POFUT2: variants seen among roughly 807,000 people sequenced by gnomAD.
The protein encoded by POFUT2 is GDP-fucose protein O-fucosyltransferase 2.
Under a neutral mutation model 55.0 loss-of-function variants are expected in POFUT2, and 30 were observed. That is an observed-to-expected ratio of 0.55 (90% CI 0.41 to 0.74). The LOEUF (loss-of-function observed/expected upper bound fraction) is 0.74, where lower values mean the gene tolerates loss of function less well. Among genes scored for constraint, POFUT2 ranks in the 30% least tolerant of loss-of-function variants. The pLI, the probability that POFUT2 is intolerant of heterozygous loss-of-function variation, is 0.00. For missense variants in POFUT2, 524 were observed against 562.6 expected (o/e 0.93, Z 0.69); for synonymous variants, 267 against 231.1 (o/e 1.16, Z -1.41).
Position 45,267,507 on chromosome 21 carries a change from G to A in POFUT2, c.1136+83C>T, listed in dbSNP as rs1408056029. 1 of 1,614,154 alleles carries A rather than the reference G, an allele frequency of 6.2e-7. No homozygotes were observed. Among genetic ancestry groups the A allele is most frequent in the Non-Finnish European group, 8.5e-7 (1 of 1,180,034 alleles). On this transcript the variant is annotated intron_variant, in intron 8 of 8. Transcript: ENST00000349485. The surrounding 1 kb of genome is among the most constrained non-coding windows in gnomAD (Gnocchi z 4.4). The stretch of plus-strand genomic sequence containing the variant: ...CCACTGTGAACACAGGCGACCATCT[G>A]CTCTGACACCGAGTACTTGGGACAG...
At position 45,285,687 on chromosome 21, in the gene POFUT2, A is replaced by C; in HGVS notation, c.373T>G (p.Phe125Val). 6.2e-7 allele frequency: 1 copy of C among 1,613,774 alleles called. No homozygotes were observed. Among genetic ancestry groups the C allele is most frequent in the Non-Finnish European group, 8.5e-7 (1 of 1,180,020 alleles). Residue 125 changes from phenylalanine (F) to valine (V), a missense_variant, in exon 2 of 9, where the codon TTC (phenylalanine) becomes GTC (valine). This residue lies in a region of POFUT2 where 274 missense variants were observed against 244.4 expected (regional missense o/e 1.12). Coordinates refer to ENST00000349485, the MANE Select transcript of POFUT2 (RefSeq NM_133635.6). The surrounding 1 kb of genome is among the most constrained non-coding windows in gnomAD (Gnocchi z 4.9). Reference sequence around the variant, plus strand: ...TGCCGCTCGGCCTCACCTGCGATGAACTGCTCATACTCGATGACGGGGATG... The same window carrying C: ...TGCCGCTCGGCCTCACCTGCGATGACCTGCTCATACTCGATGACGGGGATG... ...KNIPVIEYEQ[F>V]IAESGGPFID...
rs1349567828 is a variant in POFUT2 at position 45,267,848 on chromosome 21, C to G, written c.1013-135G>C. On this transcript the variant is annotated intron_variant, in intron 7 of 8. Coordinates refer to ENST00000349485, the MANE Select transcript of POFUT2 (RefSeq NM_133635.6). The surrounding 1 kb of genome is among the most constrained non-coding windows in gnomAD (Gnocchi z 4.4). Reference sequence around the variant, plus strand: ...AACTGGCTCCAAAGGTGCAGACACACAACTCAGCTTTACCCTCCCAGGAAT... The same window carrying G: ...AACTGGCTCCAAAGGTGCAGACACAGAACTCAGCTTTACCCTCCCAGGAAT... 1 of 742,818 alleles carries G rather than the reference C, an allele frequency of 1.3e-6. No homozygotes were observed. The highest frequency in any genetic ancestry group is 2.3e-6 in the Non-Finnish European group (1 of 435,506). 46.0% of individuals were successfully genotyped at this position (742,818 alleles called of 1,614,324 possible).
intron 8 of POFUT2, chr21:45,266,735 C>G: frequency 4.0e-6 from 4 of 998,550 alleles, no homozygotes; most frequent in Non-Finnish European, 4.8e-6. Flanking sequence ...CAGGAAATAG[C>G]AGATGTGTGA....
chr21:45,271,388 A>T (rs1046563398), intron 6 of POFUT2, among the ~76,000 whole-genome samples: 3 of 152,228 alleles, frequency 2.0e-5, no homozygotes, highest in African/African-American at 7.2e-5. Flanking sequence ...AGCCTCCAAG[A>T]AATTTGGAAT....
In POFUT2 at chr21:45,285,164, A is replaced by G. The variant is rs1041080265; in HGVS notation, c.382+514T>C. On this transcript the variant is annotated intron_variant, in intron 2 of 8. Coordinates refer to ENST00000349485, the MANE Select transcript of POFUT2 (RefSeq NM_133635.6). The surrounding 1 kb of genome is among the most constrained non-coding windows in gnomAD (Gnocchi z 4.9). ...CACTTACCTTTATCTCTTCCAAACAACGCAACACAAAAAGCTCTAAATACC... is the reference window on the plus strand; with the variant it reads ...CACTTACCTTTATCTCTTCCAAACAGCGCAACACAAAAAGCTCTAAATACC... The G allele has an allele frequency of 1.7e-5, 3 of 172,968 alleles. No homozygotes were observed. Among genetic ancestry groups the G allele is most frequent in the African/African-American group, 7.2e-5 (3 of 41,880 alleles). 10.7% of individuals were successfully genotyped at this position (172,968 alleles called of 1,614,324 possible). A position where few individuals can be genotyped will look rare whatever the true frequency, so the allele number is the denominator to read the frequency against.
rs1309636317 is a variant in POFUT2, at chr21:45,272,580, C to T, written c.832-2561G>A. Among the ~76,000 whole-genome samples, 8 of 152,140 alleles carry T rather than the reference C, an allele frequency of 5.3e-5. No individual in the cohort carries two copies. The South Asian group carries it at 6.2e-4, about 12-fold the overall frequency. Reference sequence around the variant, plus strand: ...ACTAAAATATTTACAGAACATTCTACGCAACAGCTGCAGAATATACATTCT... The same window carrying T: ...ACTAAAATATTTACAGAACATTCTATGCAACAGCTGCAGAATATACATTCT... On this transcript the variant is annotated intron_variant, in intron 6 of 8. Transcript: ENST00000349485.
At position 45,281,042 on chromosome 21, in the gene POFUT2, C is replaced by T. The variant is rs547562609; in HGVS notation, c.638+1307G>A. On this transcript the variant is annotated intron_variant, in intron 4 of 8. Transcript: ENST00000349485. This position sits in a 1 kb window ranked among gnomAD's most constrained non-coding sequence, Gnocchi z 5.0. ...CACGGTGGTGAGGCTCCTCTCCTGACGGCTTGATAGCTTCACCTTCCCATT... is the reference window on the plus strand; with the variant it reads ...CACGGTGGTGAGGCTCCTCTCCTGATGGCTTGATAGCTTCACCTTCCCATT... 1.3e-4 allele frequency among the ~76,000 whole-genome samples: 20 copies of T among 152,222 alleles called. No homozygotes were observed. Among genetic ancestry groups the T allele is most frequent in the Non-Finnish European group, 2.4e-4 (16 of 68,046 alleles).
chr21:45,270,188 A>T lies in POFUT2; in HGVS notation c.832-169T>A. On this transcript the variant is annotated intron_variant, in intron 6 of 8. Transcript: ENST00000349485. This position sits in a 1 kb window ranked among gnomAD's most constrained non-coding sequence, Gnocchi z 4.6. ...TTCAGGTGGAATCTCGGGGGCGACCAGATGTCTTTCTAAGAAGACAGTGAA... is the reference window on the plus strand; with the variant it reads ...TTCAGGTGGAATCTCGGGGGCGACCTGATGTCTTTCTAAGAAGACAGTGAA... 4.7e-6 allele frequency: 2 copies of T among 424,348 alleles called. No homozygotes were observed. The highest frequency in any genetic ancestry group is 8.7e-5 in the Admixed American group (2 of 22,926). 26.3% of individuals were successfully genotyped at this position (424,348 alleles called of 1,614,324 possible). A position where few individuals can be genotyped will look rare whatever the true frequency, so the allele number is the denominator to read the frequency against.
Position 45,285,693 on chromosome 21 carries a change from C to A in POFUT2, c.367G>T (p.Glu123Ter). Residue 123 changes from glutamate (E) to a stop codon, truncating the protein, a stop_gained, in exon 2 of 9, where the codon GAG becomes TAG. Transcript: ENST00000349485. LOFTEE classifies it high-confidence loss of function. This position sits in a 1 kb window ranked among gnomAD's most constrained non-coding sequence, Gnocchi z 4.9. ...LNKNIPVIEY[E>*]QFIAESGGPF... ...TCGGCCTCACCTGCGATGAACTGCT[C>A]ATACTCGATGACGGGGATGTTTTTA... The A allele has an allele frequency of 1.2e-6, 2 of 1,613,792 alleles. No individual in the cohort carries two copies. The highest frequency in any genetic ancestry group is 2.2e-5 in the South Asian group (2 of 91,052).
At chr21:45,274,873 T>C (rs2093249244) in intron 6 of POFUT2, among the ~76,000 whole-genome samples, 1 of 152,178 alleles carries the variant, frequency 6.6e-6, no homozygotes, top group Non-Finnish European at 1.5e-5. Flanking sequence ...GACACTGGCT[T>C]AGGCAAAGAG....
Position 45,285,547 on chromosome 21 carries a change from G to T in POFUT2, c.382+131C>A. Reference sequence around the variant, plus strand: ...GAGGTGCTGCCACAGGCCTCAGGCAGCAGCACTGGGCACTGGAGGATGCTG... The same window carrying T: ...GAGGTGCTGCCACAGGCCTCAGGCATCAGCACTGGGCACTGGAGGATGCTG... On this transcript the variant is annotated intron_variant, in intron 2 of 8. Transcript: ENST00000349485. The surrounding 1 kb of genome is among the most constrained non-coding windows in gnomAD (Gnocchi z 4.9). 9.2e-7 allele frequency: 1 copy of T among 1,086,140 alleles called. No individual in the cohort carries two copies. Among genetic ancestry groups the T allele is most frequent in the Non-Finnish European group, 1.4e-6 (1 of 723,980 alleles). 67.3% of individuals were successfully genotyped at this position (1,086,140 alleles called of 1,614,324 possible). A position where few individuals can be genotyped will look rare whatever the true frequency, so the allele number is the denominator to read the frequency against.
rs188044022 is a variant in POFUT2, at chr21:45,266,405, G to A, written c.1137-770C>T. The A allele has an allele frequency of 2.1e-4, 253 of 1,201,070 alleles. No individual in the cohort carries two copies. In the African/African-American group the frequency reaches 2.8e-3, roughly 13 times the overall value. 74.4% of individuals were successfully genotyped at this position (1,201,070 alleles called of 1,614,324 possible). A position where few individuals can be genotyped will look rare whatever the true frequency, so the allele number is the denominator to read the frequency against. On this transcript the variant is annotated intron_variant, in intron 8 of 8. Coordinates refer to ENST00000349485, the MANE Select transcript of POFUT2 (RefSeq NM_133635.6). ...GGGGCCTGCCAGAGCAGGCCGCGCC[G>A]GCCCGGAGGCAGGGCAGCTTCAGTG...
chr21:45,287,633 T>A, intron 1 of POFUT2, 108 bp downstream of exon 1: 8 of 829,152 alleles, frequency 9.6e-6, no homozygotes, highest in Non-Finnish European at 1.1e-5. Context: ...GGCCTGCCCC[T>A]GACCCCATCC....
intron 7 of POFUT2, among the ~76,000 whole-genome samples, chr21:45,269,262 C>T (rs1362280496): frequency 2.0e-5 from 3 of 152,242 alleles, no homozygotes; most frequent in Middle Eastern, 3.4e-3. Flanking sequence ...CCCCTCTGCC[C>T]GGCCACCACC....
rs1001851319 is a variant in POFUT2 at position 45,267,483 on chromosome 21, C to T, written c.1136+107G>A. 1 of 1,614,028 alleles carries T rather than the reference C, an allele frequency of 6.2e-7. No homozygotes were observed. The highest frequency in any genetic ancestry group is 1.3e-5 in the African/African-American group (1 of 74,928). On this transcript the variant is annotated intron_variant, in intron 8 of 8. Coordinates refer to ENST00000349485, the MANE Select transcript of POFUT2 (RefSeq NM_133635.6). This position sits in a 1 kb window ranked among gnomAD's most constrained non-coding sequence, Gnocchi z 4.4. ...AGGAGGCAAACAGTATGGAAATGAC[C>T]ACTGTGAACACAGGCGACCATCTGC...
chr21:45,267,106 A>C lies in POFUT2; in HGVS notation c.1136+484T>G, dbSNP rs2093162586. On this transcript the variant is annotated intron_variant, in intron 8 of 8. Coordinates refer to ENST00000349485, the MANE Select transcript of POFUT2 (RefSeq NM_133635.6). The surrounding 1 kb of genome is among the most constrained non-coding windows in gnomAD (Gnocchi z 4.4). The stretch of plus-strand genomic sequence containing the variant: ...CGCTCACGGCAGCCCCACAAGAACG[A>C]TCACACGAGGGCCCATGCTCCCAGC... The C allele has an allele frequency of 8.9e-7, 1 of 1,123,520 alleles. No homozygotes were observed. Among genetic ancestry groups the C allele is most frequent in the South Asian group, 2.3e-5 (1 of 43,888 alleles). The allele number at this position is 1,123,520 out of a possible 1,614,324, so 69.6% of individuals were successfully genotyped here.
Position 45,277,877 on chromosome 21 carries a change from TC to T in POFUT2, c.705+225del. 3 of 589,484 alleles carry T rather than the reference TC, an allele frequency of 5.1e-6. No individual in the cohort carries two copies. The highest frequency in any genetic ancestry group is 9.1e-6 in the Non-Finnish European group (3 of 331,030). 36.5% of individuals were successfully genotyped at this position (589,484 alleles called of 1,614,324 possible). ...GCCACCGCATTCAGGGCCTGTGGCATCAGAGGGGAGAGCTGGGTGGCCCTGC... is the reference window on the plus strand; with the variant it reads ...GCCACCGCATTCAGGGCCTGTGGCATAGAGGGGAGAGCTGGGTGGCCCTGC... On this transcript the variant is annotated intron_variant, in intron 5 of 8. Transcript: ENST00000349485. The surrounding 1 kb of genome is among the most constrained non-coding windows in gnomAD (Gnocchi z 6.9).
intron 8 of POFUT2, chr21:45,266,182 G>A (rs764546497): frequency 6.7e-5 from 92 of 1,367,322 alleles, no homozygotes; most frequent in Non-Finnish European, 8.3e-5. Context: ...CCGTTCCTCC[G>A]GCTCCTGCGC....
chr21:45,286,010 C>T (rs530320066), intron 1 of POFUT2, 82 bp from the exon 2 acceptor site: 831 of 1,281,284 alleles, frequency 6.5e-4, no homozygotes, highest in Admixed American at 9.6e-4. Flanking sequence ...AGTCTCAGCG[C>T]GTGGCCCGAC....
Sources: allele counts gnomAD v4.1 joint callset (sites outside exome capture counted in the v4.1 genomes callset), GRCh38; gene constraint gnomAD v4.1.1; regional missense constraint gnomAD v4.1.1; non-coding constraint Gnocchi (gnomAD v3.1); transcripts MANE v1.5; gene names NCBI Gene and HGNC (gene_info 2026-07-23, HGNC 2026-07-21).